The following FLNB variants were observed in gnomAD, a reference collection of about 807,000 sequenced individuals.
FLNB encodes filamin B, also known as filamin-B.
FLNB carries 111 observed loss-of-function variants against 250.6 expected under a neutral mutation model. That is an observed-to-expected ratio of 0.44 (90% CI 0.38 to 0.52). FLNB has a LOEUF of 0.52. Ranked by LOEUF, FLNB falls within the 20% of genes least tolerant of loss-of-function variation. The probability of loss-of-function intolerance (pLI) is 0.00; values close to 1 mark genes in which losing one functional copy is unlikely to be tolerated. For synonymous variants in FLNB, 1,302 were observed against 1,372.1 expected (o/e 0.95, Z 1.13); for missense variants, 2,869 against 3,447.8 (o/e 0.83, Z 4.20).
intron 26 of FLNB, among the ~76,000 whole-genome samples, chr3:58,133,878 A>C (rs978850871): frequency 6.6e-6 from 1 of 152,234 alleles, no homozygotes; most frequent in Non-Finnish European, 1.5e-5. Flanking sequence ...TACCATATGA[A>C]GCATACTATA....
At chr3:58,160,265 T>G (rs2097359285) in intron 42 of FLNB, among the ~76,000 whole-genome samples, 1 of 152,208 alleles carries the variant, frequency 6.6e-6, no homozygotes, top group Non-Finnish European at 1.5e-5. Flanking sequence ...TTCTGTAAAT[T>G]TAAAAAAGAA....
rs9850519 is a variant in FLNB at position 58,077,576 on chromosome 3, G to C, written c.541+282G>C. 0.26 allele frequency among the ~76,000 whole-genome samples: 39,776 copies of C among 152,018 alleles called. 6,075 individuals carry two copies. The highest frequency in any genetic ancestry group is 0.4 in the Middle Eastern group (119 of 294). On this transcript the variant is annotated intron_variant, in intron 2 of 45. Transcript: ENST00000295956. ...GCTTAGAAGCAAGACTTGGGTTTAGGTTCCAGACTCCAAAATCCTGTGTCT... is the reference window on the plus strand; with the variant it reads ...GCTTAGAAGCAAGACTTGGGTTTAGCTTCCAGACTCCAAAATCCTGTGTCT...
chr3:58,089,598 A>G (rs1023629866), intron 4 of FLNB, among the ~76,000 whole-genome samples: 3 of 152,054 alleles, frequency 2.0e-5, no homozygotes, highest in Admixed American at 6.6e-5. Flanking sequence ...CATGAAAAAA[A>G]TGAAAAAATT....
intron 4 of FLNB, among the ~76,000 whole-genome samples, chr3:58,088,287 A>G (rs1160967625): frequency 6.6e-6 from 1 of 152,048 alleles, no homozygotes; most frequent in African/African-American, 2.4e-5. Context: ...ACCTCAGGTA[A>G]TCCACCTGCC....
chr3:58,155,055 C>T lies in FLNB; in HGVS notation c.6772+127C>T, dbSNP rs2097351235. 3 of 923,672 alleles carry T rather than the reference C, an allele frequency of 3.2e-6. No individual in the cohort carries two copies. In the Admixed American group the frequency reaches 5.8e-5, roughly 18 times the overall value. 57.2% of individuals were successfully genotyped at this position (923,672 alleles called of 1,614,324 possible). ...TATGTGTATGGGCACATGGGACAGCCTCCTAGAAATCCAGTTGCAAGATAC... is the reference window on the plus strand; with the variant it reads ...TATGTGTATGGGCACATGGGACAGCTTCCTAGAAATCCAGTTGCAAGATAC... On this transcript the variant is annotated intron_variant, in intron 40 of 45. Transcript: ENST00000295956.
At chr3:58,139,847 G>A (rs1324262753) in intron 29 of FLNB, among the ~76,000 whole-genome samples, 2 of 152,150 alleles carry the variant, frequency 1.3e-5, no homozygotes, top group African/African-American at 2.4e-5. Flanking sequence ...GGGCCTGCTG[G>A]TGCAATGATT....
rs549759693 is a variant in FLNB, at chr3:58,039,178, G to A, written c.292+30322G>A. ...TCAACACCAGCCTGGATAACATAGC[G>A]AGACCCTGTCTCTACAGGAAAAAAA... On this transcript the variant is annotated intron_variant, in intron 1 of 45. Transcript: ENST00000295956. Among the ~76,000 whole-genome samples, 8 of 149,100 alleles carry A rather than the reference G, an allele frequency of 5.4e-5. No individual in the cohort carries two copies. In the South Asian group the frequency reaches 1.7e-3, roughly 32 times the overall value.
intron 1 of FLNB, among the ~76,000 whole-genome samples, chr3:58,035,022 G>A (rs1194546636): frequency 6.6e-6 from 1 of 152,226 alleles, no homozygotes; most frequent in Admixed American, 6.5e-5. Flanking sequence ...TAGATCACAT[G>A]TTCTACCTGA....
chr3:58,101,874 T>C (rs2097251748), intron 8 of FLNB, among the ~76,000 whole-genome samples: 1 of 152,238 alleles, frequency 6.6e-6, no homozygotes, highest in African/African-American at 2.4e-5. Context: ...GTTTGAATAA[T>C]GTCCAGCACT....
rs116826041 is a variant in FLNB, at chr3:58,159,621, T to C, written c.6956T>C (p.Ile2319Thr). ...AGGTTGAATGGCGCAAAAGGCAAGA[T>C]TGATGCAAAGGTGCACAGCCCCTCT... ...AIRLNGAKGK[I>T]DAKVHSPSGA... The change falls in exon 42 of 46, where the codon ATT becomes ACT. Residue 2319 changes from isoleucine to threonine, a missense_variant. Physicochemically the swap from Ile to Thr is moderately conservative, Grantham distance 89 (BLOSUM62 -1). Coordinates refer to ENST00000295956, the MANE Select transcript of FLNB (RefSeq NM_001457.4). 15,242 of 1,614,004 alleles carry C rather than the reference T, an allele frequency of 9.4e-3. 109 individuals are homozygous for C. Among genetic ancestry groups the C allele is most frequent in the Non-Finnish European group, 0.011 (12,390 of 1,179,998 alleles).
At chr3:58,106,586 G>A (rs2097260176) in intron 11 of FLNB, 94 bp from the exon 12 acceptor site, 2 of 1,187,422 alleles carry the variant, frequency 1.7e-6, no homozygotes, top group Non-Finnish European at 1.3e-6. Context: ...CCAACACTTG[G>A]CTTTTAGGGA....
intron 18 of FLNB, among the ~76,000 whole-genome samples, chr3:58,114,843 C>T (rs1336920430): frequency 6.6e-6 from 1 of 151,428 alleles, no homozygotes; most frequent in Non-Finnish European, 1.5e-5. Flanking sequence ...GCTTATTGGT[C>T]CTTTGCATAT....
intron 1 of FLNB, among the ~76,000 whole-genome samples, chr3:58,050,272 C>A (rs1209549205): frequency 1.3e-5 from 2 of 152,130 alleles, no homozygotes; most frequent in African/African-American, 2.4e-5. Context: ...TCGTTATCCA[C>A]CCGCCTCGGC....
rs10716613 is a variant in FLNB at position 58,020,719 on chromosome 3, GAA to G, written c.292+11878_292+11879del. On this transcript the variant is annotated intron_variant, in intron 1 of 45. Transcript: ENST00000295956. ...CAAGTTTTCTGGAATTTCCTTTCCA[GAA>G]AAAAAAAAAAAAAAGGCTACTAAAG... 5.0e-3 allele frequency among the ~76,000 whole-genome samples: 624 copies of G among 125,186 alleles called. 2 individuals are homozygous for G. The highest frequency in any genetic ancestry group is 0.024 in the South Asian group (96 of 3,998). The allele number at this position is 125,186 out of a possible 152,430, so 82.1% of individuals were successfully genotyped here.
intron 4 of FLNB, among the ~76,000 whole-genome samples, chr3:58,089,655 A>C (rs1344321682): frequency 6.6e-6 from 1 of 152,208 alleles, no homozygotes; most frequent in Non-Finnish European, 1.5e-5. Context: ...ATAATAATAA[A>C]AATTTAGGAG....
intron 8 of FLNB, among the ~76,000 whole-genome samples, chr3:58,100,373 A>AAAAAAAAATATATATATATATATATAT: frequency 3.0e-4 from 31 of 104,336 alleles, no homozygotes; most frequent in African/African-American, 1.3e-3. Context: ...GTAAAAAAAA[A>AAAAAAAAATATATATATATATATATAT]ATATATATAT....
chr3:58,141,359 C>T (rs1300999102), intron 29 of FLNB, among the ~76,000 whole-genome samples: 3 of 152,220 alleles, frequency 2.0e-5, no homozygotes, highest in Admixed American at 6.5e-5. Context: ...TACCTACTTA[C>T]ACTTCACACA....
At chr3:58,161,165 G>A (rs761071203) in intron 42 of FLNB, among the ~76,000 whole-genome samples, 3 of 152,188 alleles carry the variant, frequency 2.0e-5, no homozygotes, top group Non-Finnish European at 4.4e-5. Flanking sequence ...TGAGGAAGCA[G>A]TGGCACTGGA....
At chr3:58,040,473 G>A (rs9681990) in intron 1 of FLNB, among the ~76,000 whole-genome samples, 6,228 of 152,192 alleles carry the variant, frequency 0.041, 402 homozygotes, top group African/African-American at 0.14. Flanking sequence ...GGTGTAAAGG[G>A]TAGGTCTGAG....
Sources: gnomAD v4.1 joint callset for allele counts (sites outside exome capture counted in the v4.1 genomes callset) on GRCh38, gnomAD v4.1.1 for gene constraint, MANE v1.5 for transcripts, NCBI Gene and HGNC (gene_info 2026-07-23, HGNC 2026-07-21) for gene names.